The following PKHD1 variants were observed in gnomAD, a reference collection of about 807,000 sequenced individuals.
The protein encoded by PKHD1 is fibrocystin.
Under a neutral mutation model 412.0 loss-of-function variants are expected in PKHD1, and 291 were observed. That is an observed-to-expected ratio of 0.71 (90% CI 0.64 to 0.78). PKHD1 has a LOEUF of 0.78. PKHD1 is among the 30% of genes least tolerant of loss of function. The pLI is 0.00. For synonymous variants in PKHD1, 1,777 were observed against 1,821.5 expected, an observed-to-expected ratio of 0.98 and a Z score of 0.62; for missense variants, 4,825 against 4,950.7, an observed-to-expected ratio of 0.97 and a Z score of 0.76.
chr6:51,896,336 C>A (rs1469719590), intron 43 of PKHD1, among the ~76,000 whole-genome samples: 13 of 152,052 alleles, frequency 8.5e-5, no homozygotes, highest in Admixed American at 8.5e-4. Context: ...CAGACTGCCT[C>A]CTCAAGTGGG....
intron 35 of PKHD1, among the ~76,000 whole-genome samples, chr6:51,963,169 T>A (rs1290185733): frequency 6.6e-6 from 1 of 152,032 alleles, no homozygotes; most frequent in Non-Finnish European, 1.5e-5. Context: ...TTACATCCCT[T>A]TTCGTGTTTT....
At chr6:51,906,480 A>G in intron 40 of PKHD1, 140 bp from the exon 41 acceptor site, 2 of 710,566 alleles carry the variant, frequency 2.8e-6, no homozygotes, top group Non-Finnish European at 5.0e-6. Flanking sequence ...AGAAGCAGCA[A>G]TCGAATCAAG....
chr6:52,048,446 G>T (rs1327898628), intron 23 of PKHD1, 46 bp downstream of exon 23: 1 of 1,591,558 alleles, frequency 6.3e-7, no homozygotes, highest in Non-Finnish European at 8.6e-7. Flanking sequence ...GAATGTGAGT[G>T]AGAATATGTG....
intron 39 of PKHD1, 21 bp from the exon 40 acceptor site, chr6:51,909,495 C>T: frequency 1.3e-6 from 2 of 1,595,012 alleles, no homozygotes; most frequent in Non-Finnish European, 8.6e-7. Flanking sequence ...AAATAAAGTC[C>T]AGAGAACCTA....
intron 60 of PKHD1, among the ~76,000 whole-genome samples, chr6:51,712,379 G>T (rs970580416): frequency 1.3e-5 from 2 of 152,162 alleles, no homozygotes; most frequent in African/African-American, 4.8e-5. Context: ...AAGGGGGTCA[G>T]AAATGAAGAC....
chr6:51,838,709 A>G (rs1769667141), intron 50 of PKHD1, among the ~76,000 whole-genome samples: 1 of 152,208 alleles, frequency 6.6e-6, no homozygotes, highest in Admixed American at 6.5e-5. Flanking sequence ...GGTCATGGTC[A>G]TGACAATAGT....
At chr6:51,763,948 CT>C (rs61384250) in intron 55 of PKHD1, among the ~76,000 whole-genome samples, 10,965 of 126,170 alleles carry the variant, frequency 0.087, 987 homozygotes, top group African/African-American at 0.23. Flanking sequence ...AACTAAAATT[CT>C]TTTTTTTTTT....
intron 51 of PKHD1, among the ~76,000 whole-genome samples, chr6:51,833,235 T>C (rs1376876905): frequency 6.6e-6 from 1 of 152,182 alleles, no homozygotes; most frequent in African/African-American, 2.4e-5. Flanking sequence ...TCACAGATGA[T>C]GGAAACAAAC....
rs1040253299 is a variant in PKHD1, at chr6:51,821,890, T to C, written c.8302+8971A>G. Among the ~76,000 whole-genome samples the C allele has an allele frequency of 1.4e-4, 21 of 152,288 alleles. 1 individual carries two copies. The highest frequency in any genetic ancestry group is 4.6e-4 in the African/African-American group (19 of 41,580). The stretch of plus-strand genomic sequence containing the variant: ...TTAGTAGAGACAGGGTTTCACCATG[T>C]TGGCCAGGCTGGTCTCAAACTCCTG... On this transcript the variant is annotated intron_variant, in intron 52 of 66. Coordinates refer to ENST00000371117, the MANE Select transcript of PKHD1 (RefSeq NM_138694.4).
chr6:51,952,308 T>C (rs1396563875), intron 36 of PKHD1, among the ~76,000 whole-genome samples: 1 of 152,186 alleles, frequency 6.6e-6, no homozygotes, highest in Non-Finnish European at 1.5e-5. Context: ...ACTAATCCAC[T>C]AACATTTGAG....
At chr6:51,874,198 A>G (rs1776465933) in intron 46 of PKHD1, among the ~76,000 whole-genome samples, 1 of 152,230 alleles carries the variant, frequency 6.6e-6, no homozygotes. Flanking sequence ...CATCTGCTCA[A>G]ATTAATTACA....
chr6:51,923,527 A>C (rs916672526), intron 37 of PKHD1, among the ~76,000 whole-genome samples: 1 of 152,024 alleles, frequency 6.6e-6, no homozygotes, highest in Non-Finnish European at 1.5e-5. Context: ...AGAAAAAAAA[A>C]AAACAATAAA....
At chr6:51,663,832 C>T (rs1402695571) in intron 60 of PKHD1, among the ~76,000 whole-genome samples, 1 of 151,872 alleles carries the variant, frequency 6.6e-6, no homozygotes, top group Non-Finnish European at 1.5e-5. Context: ...ATCTATTTCA[C>T]ATGTATCCAT....
chr6:51,903,562 A>T lies in PKHD1; in HGVS notation c.6996+35T>A. The T allele has an allele frequency of 2.5e-6, 4 of 1,597,344 alleles. 1 individual carries two copies. The South Asian group carries it at 3.3e-5, about 13-fold the overall frequency. ...TTGAGAAAGAACTTTATGCCCTCTC[A>T]GTTCTGGTCTTCCTGGTAGAGCTGA... On this transcript the variant is annotated intron_variant, in intron 43 of 66. Coordinates refer to ENST00000371117, the MANE Select transcript of PKHD1 (RefSeq NM_138694.4).
At chr6:51,915,872 C>T (rs545837199) in intron 37 of PKHD1, among the ~76,000 whole-genome samples, 10 of 152,064 alleles carry the variant, frequency 6.6e-5, no homozygotes, top group East Asian at 3.9e-4. Context: ...TGTGAGAACA[C>T]GTAGAACAAG....
chr6:51,964,398 C>T (rs1321266012), intron 35 of PKHD1, among the ~76,000 whole-genome samples: 1 of 152,098 alleles, frequency 6.6e-6, no homozygotes, highest in Non-Finnish European at 1.5e-5. Context: ...ATGTCTTCTT[C>T]CTCAGCATCC....
Position 52,050,285 on chromosome 6 carries a change from A to G in PKHD1, c.2151T>C (p.Ala717=), listed in dbSNP as rs776280321. 6.2e-7 allele frequency: 1 copy of G among 1,614,220 alleles called. No individual in the cohort carries two copies. Among genetic ancestry groups the G allele is most frequent in the Non-Finnish European group, 8.5e-7 (1 of 1,180,024 alleles). ...IADTNVTVSQ[A]DSGTARPGGN... is the part of the protein sequence containing the mutation. Reference sequence around the variant, plus strand: ...CCCCTGGGCGAGCCGTTCCAGAATCAGCTTGAGAAACTAGAGACCAGTGAT... The same window carrying G: ...CCCCTGGGCGAGCCGTTCCAGAATCGGCTTGAGAAACTAGAGACCAGTGAT... The change falls in exon 22 of 67, where the codon GCT becomes GCC. Residue 717 remains alanine (A), a synonymous_variant. Coordinates refer to ENST00000371117, the MANE Select transcript of PKHD1 (RefSeq NM_138694.4).
rs947893830 is a variant in PKHD1, at chr6:51,671,063, T to A, written c.10157-11094A>T. On this transcript the variant is annotated intron_variant, in intron 60 of 66. Coordinates refer to ENST00000371117, the MANE Select transcript of PKHD1 (RefSeq NM_138694.4). Reference sequence around the variant, plus strand: ...TTCTCGAGGAGTATCTTTGTGGCATTCTCTGTAGTTCCTGAATCTGAATGT... The same window carrying A: ...TTCTCGAGGAGTATCTTTGTGGCATACTCTGTAGTTCCTGAATCTGAATGT... Among the ~76,000 whole-genome samples, 52 of 152,214 alleles carry A rather than the reference T, an allele frequency of 3.4e-4. 1 individual carries two copies. The highest frequency in any genetic ancestry group is 1.2e-3 in the African/African-American group (49 of 41,508).
At chr6:51,728,783 G>A (rs936612593) in intron 60 of PKHD1, among the ~76,000 whole-genome samples, 3 of 152,188 alleles carry the variant, frequency 2.0e-5, no homozygotes, top group Non-Finnish European at 4.4e-5. Flanking sequence ...TTAATAATTT[G>A]TTATAGCAGC....
Sources: allele counts gnomAD v4.1 joint callset (sites outside exome capture counted in the v4.1 genomes callset), GRCh38; gene constraint gnomAD v4.1.1; transcripts MANE v1.5; gene names NCBI Gene and HGNC (gene_info 2026-07-23, HGNC 2026-07-21).